Variants in ASRGL1 observed in about 807,000 individuals in gnomAD.
ASRGL1 encodes asparaginase and isoaspartyl peptidase 1.
ASRGL1 carries 16 observed loss-of-function variants against 22.4 expected under a neutral mutation model. The observed-to-expected ratio is 0.71, with a 90% confidence interval of 0.48 to 1.08. The LOEUF (loss-of-function observed/expected upper bound fraction) is 1.08, where lower values mean the gene tolerates loss of function less well. ASRGL1 is among the 50% of genes least tolerant of loss of function. The pLI, the probability that ASRGL1 is intolerant of heterozygous loss-of-function variation, is 0.00. For synonymous variants in ASRGL1, 165 were observed against 159.3 expected, an observed-to-expected ratio of 1.04 and a Z score of -0.27; for missense variants, 412 against 410.1, an observed-to-expected ratio of 1.00 and a Z score of -0.04.
At chr11:62,364,411 A>G (rs1184688755) in intron 4 of ASRGL1, among the ~76,000 whole-genome samples, 1 of 151,598 alleles carries the variant, frequency 6.6e-6, no homozygotes, top group Non-Finnish European at 1.5e-5. Flanking sequence ...GCTTTTTAAT[A>G]TTTTTCTAGA....
At chr11:62,376,819 A>AT (rs904660841) in intron 4 of ASRGL1, among the ~76,000 whole-genome samples, 40 of 152,098 alleles carry the variant, frequency 2.6e-4, no homozygotes, top group African/African-American at 8.4e-4. Flanking sequence ...GTCAGTTTTG[A>AT]TTTTTTCTGG....
chr11:62,397,917 A>T (rs1427120869), downstream of ASRGL1, among the ~76,000 whole-genome samples: 2 of 152,142 alleles, frequency 1.3e-5, no homozygotes, highest in Non-Finnish European at 2.9e-5. Flanking sequence ...TCTTTTTAGC[A>T]GAATTGTTCA....
In ASRGL1 at chr11:62,356,370, C is replaced by T; in HGVS notation, c.236C>T (p.Ala79Val). 5 of 1,614,120 alleles carry T rather than the reference C, an allele frequency of 3.1e-6. No individual in the cohort carries two copies. The highest frequency in any genetic ancestry group is 4.2e-6 in the Non-Finnish European group (5 of 1,179,928). ...ACAAATGGTGAGGTTGAAATGGATG[C>T]TAGTATCATGGATGGAAAAGACCTG... is the stretch of plus-strand genomic sequence containing the variant. ...LNTNGEVEMD[A>V]SIMDGKDLSA... Residue 79 changes from alanine to valine, a missense_variant, in exon 3 of 7, where the codon GCT becomes GTT. Physicochemically the swap from Ala to Val is moderately conservative, Grantham distance 64. Transcript: ENST00000415229.
chr11:62,378,641 C>T (rs1217362312), intron 4 of ASRGL1, among the ~76,000 whole-genome samples: 2 of 152,288 alleles, frequency 1.3e-5, no homozygotes, highest in African/African-American at 4.8e-5. Context: ...GGTTGAATTA[C>T]GGCATTTACG....
At position 62,356,959 on chromosome 11, in the gene ASRGL1, A is replaced by G. The variant is rs187022418; in HGVS notation, c.334-28A>G. 20 of 1,564,076 alleles carry G rather than the reference A, an allele frequency of 1.3e-5. No homozygotes were observed. In the East Asian group the frequency reaches 2.9e-4, roughly 23 times the overall value. On this transcript the variant is annotated intron_variant, in intron 3 of 6. Coordinates refer to ENST00000415229, the MANE Select transcript of ASRGL1 (RefSeq NM_001083926.2). The stretch of plus-strand genomic sequence containing the variant: ...AAGATTTAAAATTTTCAAAAAAACA[A>G]TCATTTTCTCTTTTCTTTCTGGCTC...
chr11:62,367,693 C>T lies in ASRGL1; in HGVS notation c.491+10549C>T, dbSNP rs182223459. ...GTGCAGTGGCTCACACCTGTAATTC[C>T]AGCACTTTGGGAGGCCGAGGTGGGT... On this transcript the variant is annotated intron_variant, in intron 4 of 6. Transcript: ENST00000415229. Among the ~76,000 whole-genome samples the T allele has an allele frequency of 2.5e-4, 38 of 151,588 alleles. No homozygotes were observed. In the East Asian group the frequency reaches 7.0e-3, roughly 28 times the overall value.
the ASRGL1 span, among the ~76,000 whole-genome samples, chr11:62,400,773 T>G: frequency 2.0e-5 from 3 of 152,192 alleles, no homozygotes; most frequent in Non-Finnish European, 2.9e-5. Context: ...CAACTCTGCT[T>G]GATCCCAGGC....
At chr11:62,386,543 T>C (rs1321245025) in intron 4 of ASRGL1, among the ~76,000 whole-genome samples, 1 of 74,738 alleles carries the variant, frequency 1.3e-5, no homozygotes, top group Non-Finnish European at 4.0e-5. Context: ...AGGTCAGCGC[T>C]AGCTGAGGTT....
rs758277116 is a variant in ASRGL1 at position 62,357,016 on chromosome 11, C to A, written c.363C>A (p.Gly121=). ...CTCATTGCTTTCTGACTGACCAAGG[C>A]GCAGCGCAGTTTGCAGCAGCTATGG... ...KTPHCFLTDQ[G]AAQFAAAMGV... is the part of the protein sequence containing the mutation. The change falls in exon 4 of 7, where the codon GGC becomes GGA. Residue 121 remains glycine, a synonymous_variant. Coordinates refer to ENST00000415229, the MANE Select transcript of ASRGL1 (RefSeq NM_001083926.2). 26 of 1,613,394 alleles carry A rather than the reference C, an allele frequency of 1.6e-5. No homozygotes were observed. The East Asian group carries it at 5.8e-4, about 36-fold the overall frequency.
intron 4 of ASRGL1, among the ~76,000 whole-genome samples, chr11:62,381,338 T>C (rs1452504945): frequency 1.3e-5 from 2 of 152,196 alleles, no homozygotes; most frequent in African/African-American, 4.8e-5. Flanking sequence ...CTGTAATTGA[T>C]TGTAGTCAAC....
At chr11:62,361,259 G>A (rs1032180964) in intron 4 of ASRGL1, among the ~76,000 whole-genome samples, 1 of 151,808 alleles carries the variant, frequency 6.6e-6, no homozygotes, top group East Asian at 1.9e-4. Flanking sequence ...TGTTACAGTC[G>A]TAGCTCACTG....
chr11:62,343,034 G>A (rs894498262), intron 2 of ASRGL1, among the ~76,000 whole-genome samples: 38 of 152,086 alleles, frequency 2.5e-4, no homozygotes, highest in African/African-American at 9.2e-4. Context: ...TCTCCCTTAG[G>A]TGAGTACCTG....
At chr11:62,398,586 T>C in the ASRGL1 span, among the ~76,000 whole-genome samples, 1 of 152,220 alleles carries the variant, frequency 6.6e-6, no homozygotes, top group Admixed American at 6.5e-5. Context: ...ACACCAAGTA[T>C]TTCATCTTTT....
chr11:62,378,289 T>C (rs1029897403), intron 4 of ASRGL1, among the ~76,000 whole-genome samples: 3 of 152,212 alleles, frequency 2.0e-5, no homozygotes, highest in Non-Finnish European at 4.4e-5. Flanking sequence ...AACCTCTGCT[T>C]GCAGAAATGT....
intron 4 of ASRGL1, chr11:62,372,611 G>C: frequency 1.1e-6 from 1 of 875,982 alleles, no homozygotes; most frequent in Non-Finnish European, 2.0e-6. Context: ...TGCGAGACGT[G>C]GCCTGTGGCG....
chr11:62,371,170 G>T (rs1018359043), intron 4 of ASRGL1: 7 of 1,212,888 alleles, frequency 5.8e-6, no homozygotes, highest in Non-Finnish European at 7.6e-6. Flanking sequence ...GGCCTGGGAG[G>T]AGCTGAGCTC....
chr11:62,361,641 C>G (rs1946437552), intron 4 of ASRGL1, among the ~76,000 whole-genome samples: 1 of 151,952 alleles, frequency 6.6e-6, no homozygotes, highest in Non-Finnish European at 1.5e-5. Flanking sequence ...GCGCATGCCA[C>G]CATGCCCGGC....
chr11:62,362,700 T>A (rs1235469452), intron 4 of ASRGL1, among the ~76,000 whole-genome samples: 4 of 84,766 alleles, frequency 4.7e-5, no homozygotes, highest in African/African-American at 1.9e-4. Flanking sequence ...ATATTATATA[T>A]TATATAAAAT....
chr11:62,392,371 A>C lies in ASRGL1; in HGVS notation c.*87A>C. 1 of 1,461,066 alleles carries C rather than the reference A, an allele frequency of 6.8e-7. No homozygotes were observed. Among genetic ancestry groups the C allele is most frequent in the Non-Finnish European group, 9.5e-7 (1 of 1,056,740 alleles). 90.5% of individuals were successfully genotyped at this position (1,461,066 alleles called of 1,614,324 possible). ...CATAGCCTAATCAATTAGATCTAGA[A>C]TTGGAAAAATTGTCCCGTCTGTCAC... is the stretch of plus-strand genomic sequence containing the variant. On this transcript the variant is annotated 3_prime_UTR_variant, in exon 7 of 7. Transcript: ENST00000415229.
Sources: gnomAD v4.1 joint callset for allele counts (sites outside exome capture counted in the v4.1 genomes callset) on GRCh38, gnomAD v4.1.1 for gene constraint, MANE v1.5 for transcripts, NCBI Gene and HGNC (gene_info 2026-07-23, HGNC 2026-07-21) for gene names.